The following EPHA5 variants were observed in gnomAD, a reference collection of about 807,000 sequenced individuals.
EPHA5 encodes the protein ephrin type-A receptor 5.
A neutral mutation model predicts 105.0 loss-of-function variants in EPHA5; 60 were observed. The ratio of observed to expected loss-of-function variants is 0.57; its 90% CI spans 0.46 to 0.71. EPHA5 has a LOEUF of 0.71. Ranked by LOEUF, EPHA5 falls within the 30% of genes least tolerant of loss-of-function variation. The pLI is 0.00. For missense variants in EPHA5, 1,218 were observed against 1,274.7 expected, an observed-to-expected ratio of 0.96 and a Z score of 0.68; for synonymous variants, 513 against 449.1, an observed-to-expected ratio of 1.14 and a Z score of -1.80.
At chr4:65,516,464 T>C (rs1734113675) in intron 3 of EPHA5, among the ~76,000 whole-genome samples, 1 of 151,912 alleles carries the variant, frequency 6.6e-6, no homozygotes, top group Non-Finnish European at 1.5e-5. Flanking sequence ...CTGGCTATTT[T>C]AGGAACAGCA....
intron 8 of EPHA5, chr4:65,376,905 C>A: frequency 8.5e-7 from 1 of 1,170,198 alleles, no homozygotes. Context: ...TTATTCTACT[C>A]AAATGTACAC....
chr4:65,607,285 TA>T (rs1249768030), intron 2 of EPHA5, among the ~76,000 whole-genome samples: 1 of 151,902 alleles, frequency 6.6e-6, no homozygotes, highest in Non-Finnish European at 1.5e-5. Context: ...AATTCATAAC[TA>T]AAACACCAAA....
At chr4:65,401,637 T>C (rs1226175310) in intron 8 of EPHA5, among the ~76,000 whole-genome samples, 2 of 152,136 alleles carry the variant, frequency 1.3e-5, no homozygotes, top group East Asian at 1.9e-4. Context: ...TTAAACTATG[T>C]TGTGAAATTA....
At chr4:65,576,010 G>GAAAGAAAGAAAGAAAGAAAGAA in intron 3 of EPHA5, among the ~76,000 whole-genome samples, 2 of 73,978 alleles carry the variant, frequency 2.7e-5, no homozygotes, top group Admixed American at 4.1e-4. Context: ...GAGAAAGAAA[G>GAAAGAAAGAAAGAAAGAAAGAA]AAAGAAAGAA....
chr4:65,642,953 A>G (rs547336550), intron 2 of EPHA5, among the ~76,000 whole-genome samples: 2 of 152,142 alleles, frequency 1.3e-5, no homozygotes, highest in African/African-American at 4.8e-5. Flanking sequence ...CCAGCGTTGA[A>G]TCAACACTGA....
At chr4:65,611,947 G>A (rs1744798311) in intron 2 of EPHA5, among the ~76,000 whole-genome samples, 1 of 148,786 alleles carries the variant, frequency 6.7e-6, no homozygotes, top group East Asian at 2.0e-4. Flanking sequence ...AACCTGGCAG[G>A]CGGAGTCTGC....
chr4:65,450,866 A>T (rs1273903446), intron 5 of EPHA5, among the ~76,000 whole-genome samples: 1 of 152,102 alleles, frequency 6.6e-6, no homozygotes, highest in Non-Finnish European at 1.5e-5. Flanking sequence ...CAAATCCTAA[A>T]TTGCTTTTCT....
rs532483688 is a variant in EPHA5, at chr4:65,362,515, T to A, written c.2173+2502A>T. Among the ~76,000 whole-genome samples, 106 of 151,854 alleles carry A rather than the reference T, an allele frequency of 7.0e-4. 1 individual carries two copies. The South Asian group carries it at 7.7e-3, about 11-fold the overall frequency. ...TAAAAGCAAATAAATATTGTTGGTATTTACAGTTTGCTTTACATGTATGTG... is the reference window on the plus strand; with the variant it reads ...TAAAAGCAAATAAATATTGTTGGTAATTACAGTTTGCTTTACATGTATGTG... On this transcript the variant is annotated intron_variant, in intron 11 of 16. Transcript: ENST00000613740.
At position 65,556,195 on chromosome 4, in the gene EPHA5, T is replaced by C. The variant is rs28454219; in HGVS notation, c.910+45446A>G. Among the ~76,000 whole-genome samples the C allele has an allele frequency of 8.9e-3, 1,348 of 152,248 alleles. 27 individuals carry two copies. Among genetic ancestry groups the C allele is most frequent in the African/African-American group, 0.03 (1,267 of 41,552 alleles). On this transcript the variant is annotated intron_variant, in intron 3 of 16. Coordinates refer to ENST00000613740, the MANE Select transcript of EPHA5 (RefSeq NM_001281766.3). ...AAAAAGCATAAAGCCAATTGGATGG[T>C]AAGTGTGGATATGTTTATTTCACCA...
rs1577927982 is a variant in EPHA5, at chr4:65,365,815, T to G, written c.1987+117A>C. 1.3e-5 allele frequency: 14 copies of G among 1,076,118 alleles called. No homozygotes were observed. The East Asian group carries it at 3.4e-4, about 26-fold the overall frequency. 66.7% of individuals were successfully genotyped at this position (1,076,118 alleles called of 1,614,324 possible). On this transcript the variant is annotated intron_variant, in intron 10 of 16. Transcript: ENST00000613740. ...AAATGTGATCAGTTACATATCACTTTGAATGCAAGCCAATTAGAAAAGATT... is the reference window on the plus strand; with the variant it reads ...AAATGTGATCAGTTACATATCACTTGGAATGCAAGCCAATTAGAAAAGATT...
At chr4:65,537,352 A>G (rs1012449211) in intron 3 of EPHA5, among the ~76,000 whole-genome samples, 7 of 151,814 alleles carry the variant, frequency 4.6e-5, no homozygotes, top group African/African-American at 1.7e-4. Context: ...ATTACACCAC[A>G]TAGAAAAATT....
At chr4:65,547,930 T>C (rs2149334086) in intron 3 of EPHA5, among the ~76,000 whole-genome samples, 1 of 152,208 alleles carries the variant, frequency 6.6e-6, no homozygotes, top group South Asian at 2.1e-4. Context: ...TGGACTGAGA[T>C]GATCCAAGAC....
At chr4:65,586,498 TTTTCTTCATATCAGTGCTACAATA>T (rs1350014232) in intron 3 of EPHA5, among the ~76,000 whole-genome samples, 1 of 151,918 alleles carries the variant, frequency 6.6e-6, no homozygotes, top group African/African-American at 2.4e-5. Context: ...CAGTTACTAT[TTTTCTTCATATCAGTGCTACAATA>T]TTCTCTATCC....
chr4:65,657,936 G>GT (rs1318872591), intron 1 of EPHA5, among the ~76,000 whole-genome samples: 1 of 145,594 alleles, frequency 6.9e-6, no homozygotes, highest in Non-Finnish European at 1.5e-5. Context: ...TTTACTGCCA[G>GT]TTTTTGTGGA....
chr4:65,472,399 G>C (rs756282250), intron 5 of EPHA5, among the ~76,000 whole-genome samples: 14 of 152,204 alleles, frequency 9.2e-5, no homozygotes, highest in Non-Finnish European at 2.1e-4. Context: ...CCACTAGCCA[G>C]TTCCCCAGTG....
rs1422097586 is a variant in EPHA5, at chr4:65,323,206, A to G, written c.*908T>C. On this transcript the variant is annotated 3_prime_UTR_variant, in exon 17 of 17. Transcript: ENST00000613740. ...ACACATTTCCTTTTAGTGAATAAAG[A>G]GATTAGCTTTTGGACACATGAGAGG... 1 of 228,956 alleles carries G rather than the reference A, an allele frequency of 4.4e-6. No individual in the cohort carries two copies. The highest frequency in any genetic ancestry group is 8.7e-6 in the Non-Finnish European group (1 of 115,382). 14.2% of individuals were successfully genotyped at this position (228,956 alleles called of 1,614,324 possible).
At chr4:65,347,987 AT>A in intron 14 of EPHA5, 66 bp downstream of exon 14, 1 of 1,406,220 alleles carries the variant, frequency 7.1e-7, no homozygotes, top group Non-Finnish European at 9.5e-7. Context: ...AATGAAAAAC[AT>A]TGTGTCTTGA....
rs1735749100 is a variant in EPHA5, at chr4:65,531,133, G to A, written c.911-35590C>T. Among the ~76,000 whole-genome samples, 3 of 151,198 alleles carry A rather than the reference G, an allele frequency of 2.0e-5. No individual in the cohort carries two copies. The South Asian group carries it at 6.3e-4, about 32-fold the overall frequency. ...GCTCACTGCAAGCTCCGCTTCCCGG[G>A]TTCACGCCATTCTCCTGCCTCAGCC... On this transcript the variant is annotated intron_variant, in intron 3 of 16. Transcript: ENST00000613740.
At chr4:65,415,502 C>T (rs1723304747) in intron 6 of EPHA5, among the ~76,000 whole-genome samples, 1 of 151,752 alleles carries the variant, frequency 6.6e-6, no homozygotes, top group African/African-American at 2.4e-5. Flanking sequence ...AGCAATTTAC[C>T]ATTCCTTTTG....
Sources: allele counts gnomAD v4.1 joint callset (sites outside exome capture counted in the v4.1 genomes callset), GRCh38; gene constraint gnomAD v4.1.1; transcripts MANE v1.5; gene names NCBI Gene and HGNC (gene_info 2026-07-23, HGNC 2026-07-21).